The following NHS variants were observed in gnomAD, a reference collection of about 807,000 sequenced individuals.
NHS encodes NHS actin remodeling regulator.
Under a neutral mutation model 72.5 loss-of-function variants are expected in NHS, and 5 were observed. That is an observed-to-expected ratio of 0.07 (90% CI 0.04 to 0.14). NHS has a LOEUF of 0.14. Ranked by LOEUF, NHS falls within the 10% of genes least tolerant of loss-of-function variation. The pLI is 1.00. For synonymous variants in NHS, 464 were observed against 547.7 expected (o/e 0.85, Z 2.13); for missense variants, 1,072 against 1,355.7 (o/e 0.79, Z 3.29).
At chrX:17,581,054 G>A (rs73636660) in intron 1 of NHS, among the ~76,000 whole-genome samples, 10,822 of 111,060 alleles carry the variant, frequency 0.097, 1,274 homozygotes, top group African/African-American at 0.33. Flanking sequence ...CTCGAGCACA[G>A]TGGGGAAATC....
chrX:17,516,571 G>GCACACACACA (rs765423925), intron 1 of NHS, among the ~76,000 whole-genome samples: 3 of 91,774 alleles, frequency 3.3e-5, no homozygotes, highest in Non-Finnish European at 6.4e-5. Context: ...ACACACACGC[G>GCACACACACA]CACACACACA....
At chrX:17,695,608 G>A (rs1380144098) in intron 3 of NHS, among the ~76,000 whole-genome samples, 5 of 111,604 alleles carry the variant, frequency 4.5e-5, no homozygotes, top group Non-Finnish European at 9.4e-5. Context: ...GGGCACTGCA[G>A]TGAACTCCTA....
intron 1 of NHS, among the ~76,000 whole-genome samples, chrX:17,538,527 G>C (rs1440025395): frequency 3.6e-5 from 4 of 111,677 alleles, no homozygotes; most frequent in Non-Finnish European, 5.6e-5. Flanking sequence ...GGAAGCTGGG[G>C]TGTTCTTCAT....
At chrX:17,632,472 A>G in intron 1 of NHS, among the ~76,000 whole-genome samples, 1 of 110,242 alleles carries the variant, frequency 9.1e-6, no homozygotes, top group Non-Finnish European at 1.9e-5. Flanking sequence ...CATTCTTCAA[A>G]GTTCAGCTCC....
At chrX:17,615,662 A>C (rs991331550) in intron 1 of NHS, among the ~76,000 whole-genome samples, 1 of 110,397 alleles carries the variant, frequency 9.1e-6, no homozygotes, top group Non-Finnish European at 1.9e-5. Context: ...GTCCCTTTGG[A>C]CTTTTCAAAC....
At chrX:17,528,125 G>A (rs999489827) in intron 1 of NHS, among the ~76,000 whole-genome samples, 1 of 111,960 alleles carries the variant, frequency 8.9e-6, no homozygotes, top group East Asian at 2.8e-4. Flanking sequence ...ACCCCCAGGG[G>A]ACATGTGGCA....
chrX:17,577,285 T>A (rs1007795966), intron 1 of NHS, among the ~76,000 whole-genome samples: 2 of 111,752 alleles, frequency 1.8e-5, no homozygotes, highest in African/African-American at 6.5e-5. Flanking sequence ...TCCATTCAAA[T>A]CCTCATGGAC....
chrX:17,613,201 G>A (rs1201820696), intron 1 of NHS, among the ~76,000 whole-genome samples: 1 of 110,502 alleles, frequency 9.0e-6, no homozygotes, highest in African/African-American at 3.3e-5. Flanking sequence ...GGTGAAACCT[G>A]GTCTGTACTA....
chrX:17,518,900 T>G (rs1043987720), intron 1 of NHS, among the ~76,000 whole-genome samples: 1 of 112,066 alleles, frequency 8.9e-6, no homozygotes, highest in Non-Finnish European at 1.9e-5. Context: ...AGCTGAGACC[T>G]GGGTTCATAA....
chrX:17,567,794 T>C (rs1243196955), intron 1 of NHS, among the ~76,000 whole-genome samples: 2 of 104,104 alleles, frequency 1.9e-5, no homozygotes, highest in South Asian at 4.4e-4. Context: ...AGAGAAAAAA[T>C]ATCTAGACAG....
At chrX:17,440,085 C>T (rs1055722829) in intron 1 of NHS, among the ~76,000 whole-genome samples, 1 of 108,412 alleles carries the variant, frequency 9.2e-6, no homozygotes, top group South Asian at 4.0e-4. Context: ...CGTGGTGAAA[C>T]CCCCGTCTCT....
intron 1 of NHS, among the ~76,000 whole-genome samples, chrX:17,523,421 C>A (rs1323783393): frequency 8.9e-6 from 1 of 111,938 alleles, no homozygotes; most frequent in Non-Finnish European, 1.9e-5. Context: ...GGCCCACCCC[C>A]CAGGCCTTGA....
intron 1 of NHS, among the ~76,000 whole-genome samples, chrX:17,417,717 T>C (rs1176852911): frequency 8.9e-6 from 1 of 112,522 alleles, no homozygotes; most frequent in African/African-American, 3.2e-5. Context: ...CTGTTCCTTA[T>C]TGGCATTGTG....
chrX:17,606,237 G>A (rs771478717), intron 1 of NHS, among the ~76,000 whole-genome samples: 1 of 112,120 alleles, frequency 8.9e-6, no homozygotes, highest in Non-Finnish European at 1.9e-5. Flanking sequence ...GACCCCCACA[G>A]AGGAGGGATG....
intron 1 of NHS, among the ~76,000 whole-genome samples, chrX:17,599,157 C>T (rs2065637995): frequency 8.9e-6 from 1 of 112,062 alleles, no homozygotes; most frequent in Admixed American, 9.5e-5. Flanking sequence ...GGGCATTTTG[C>T]TAATATCCAG....
chrX:17,678,006 G>A (rs964521454), intron 1 of NHS, among the ~76,000 whole-genome samples: 1 of 110,413 alleles, frequency 9.1e-6, no homozygotes, highest in African/African-American at 3.3e-5. Flanking sequence ...GTTGTTGTTT[G>A]TAGAGATGGG....
intron 1 of NHS, among the ~76,000 whole-genome samples, chrX:17,405,170 A>T (rs753873229): frequency 8.9e-6 from 1 of 112,007 alleles, no homozygotes; most frequent in South Asian, 3.8e-4. Context: ...CAGATGGAAG[A>T]AGAGGGAATG....
intron 5 of NHS, 59 bp downstream of exon 5, chrX:17,721,692 T>C: frequency 2.9e-6 from 3 of 1,032,006 alleles, no homozygotes; most frequent in Non-Finnish European, 4.0e-6. Context: ...GTATTAAATA[T>C]GTTCAAAATC....
At chrX:17,673,237 C>CACACACACAG (rs796409129) in intron 1 of NHS, among the ~76,000 whole-genome samples, 39 of 95,032 alleles carry the variant, frequency 4.1e-4, no homozygotes, top group Middle Eastern at 5.4e-3. Context: ...CACACACACA[C>CACACACACAG]AAGAAAGCTC....
Sources: allele counts gnomAD v4.1 joint callset (sites outside exome capture counted in the v4.1 genomes callset), GRCh38; gene constraint gnomAD v4.1.1; transcripts MANE v1.5; gene names NCBI Gene and HGNC (gene_info 2026-07-23, HGNC 2026-07-21).